The following STAU2 variants were observed in gnomAD, a reference collection of about 807,000 sequenced individuals.
STAU2 encodes staufen double-stranded RNA binding protein 2, also known as double-stranded RNA-binding protein Staufen homolog 2.
Under a neutral mutation model 65.9 loss-of-function variants are expected in STAU2, and 20 were observed. The observed-to-expected ratio is 0.30, with a 90% confidence interval of 0.21 to 0.44. STAU2 has a LOEUF of 0.44. Ranked by LOEUF, STAU2 falls within the 20% of genes least tolerant of loss-of-function variation. STAU2 has a pLI of 1.00. For missense variants in STAU2, 558 were observed against 683.9 expected (o/e 0.82, Z 2.05); for synonymous variants, 232 against 233.9 (o/e 0.99, Z 0.07).
chr8:73,520,482 T>C lies in STAU2; in HGVS notation c.1530+31530A>G, dbSNP rs142963947. ...AATTTAAAATTGCATATGTGACACT[T>C]GATCCCTTATGTAGTAGTCCTTGCG... On this transcript the variant is annotated intron_variant, in intron 13 of 14. Coordinates refer to ENST00000524300, the MANE Select transcript of STAU2 (RefSeq NM_001164380.2). Among the ~76,000 whole-genome samples the C allele has an allele frequency of 2.5e-3, 380 of 152,338 alleles. 1 individual carries two copies. Among genetic ancestry groups the C allele is most frequent in the Non-Finnish European group, 3.8e-3 (259 of 68,026 alleles).
chr8:73,501,391 T>G (rs141820379), intron 13 of STAU2, among the ~76,000 whole-genome samples: 145 of 152,082 alleles, frequency 9.5e-4, no homozygotes, highest in Non-Finnish European at 1.5e-3. Context: ...TATTTTAGAA[T>G]TGTGTATTTA....
chr8:73,454,092 A>T (rs964689577), intron 13 of STAU2, among the ~76,000 whole-genome samples: 2 of 152,254 alleles, frequency 1.3e-5, no homozygotes, highest in Non-Finnish European at 2.9e-5. Flanking sequence ...CTATTTAAAA[A>T]TTAGTTATCC....
At chr8:73,535,029 G>A (rs950950777) in intron 13 of STAU2, among the ~76,000 whole-genome samples, 3 of 152,174 alleles carry the variant, frequency 2.0e-5, no homozygotes, top group Admixed American at 6.5e-5. Flanking sequence ...TGGCAGTAAT[G>A]TATAAAGATT....
chr8:73,496,067 A>C (rs974019244), intron 13 of STAU2, among the ~76,000 whole-genome samples: 10 of 151,628 alleles, frequency 6.6e-5, no homozygotes, highest in African/African-American at 2.4e-4. Flanking sequence ...TTCAAAAATG[A>C]GATGGGTTAA....
chr8:73,450,670 G>C (rs1818755533), intron 13 of STAU2, among the ~76,000 whole-genome samples: 1 of 152,218 alleles, frequency 6.6e-6, no homozygotes, highest in South Asian at 2.1e-4. Flanking sequence ...TCACAAGTTT[G>C]AAAACCTGTA....
intron 3 of STAU2, among the ~76,000 whole-genome samples, chr8:73,735,661 A>T (rs570680140): frequency 3.9e-5 from 6 of 152,338 alleles, no homozygotes; most frequent in African/African-American, 1.4e-4. Context: ...GATAAGGAAT[A>T]CTCAACCTGT....
At chr8:73,576,860 T>G (rs1437349008) in intron 12 of STAU2, among the ~76,000 whole-genome samples, 2 of 152,220 alleles carry the variant, frequency 1.3e-5, no homozygotes, top group Non-Finnish European at 2.9e-5. Context: ...GAAAAGCAAT[T>G]AAGTAGTTCT....
chr8:73,489,202 C>G (rs1454789719), intron 13 of STAU2, among the ~76,000 whole-genome samples: 2 of 151,726 alleles, frequency 1.3e-5, no homozygotes, highest in African/African-American at 4.8e-5. Flanking sequence ...CCATTATTTC[C>G]TTTTCAAGAG....
intron 6 of STAU2, among the ~76,000 whole-genome samples, chr8:73,622,499 T>C (rs1298209749): frequency 1.3e-5 from 2 of 152,078 alleles, no homozygotes; most frequent in Non-Finnish European, 2.9e-5. Flanking sequence ...AAGGTCACCT[T>C]AAGAGGTAAC....
chr8:73,721,985 T>G (rs1400033992), intron 3 of STAU2, among the ~76,000 whole-genome samples: 4 of 152,216 alleles, frequency 2.6e-5, no homozygotes, highest in Admixed American at 6.5e-5. Flanking sequence ...TTTTCTTCTT[T>G]TTGGACTTCT....
At chr8:73,556,720 G>A (rs1404311256) in intron 12 of STAU2, among the ~76,000 whole-genome samples, 1 of 152,170 alleles carries the variant, frequency 6.6e-6, no homozygotes, top group Non-Finnish European at 1.5e-5. Context: ...TCACGCCACT[G>A]CACTACAGCC....
intron 3 of STAU2, chr8:73,727,815 C>G (rs529917434): frequency 1.1e-4 from 16 of 152,330 alleles, no homozygotes; most frequent in African/African-American, 3.8e-4. Flanking sequence ...GAGGCTGAAC[C>G]ATTTAACATT....
chr8:73,671,861 A>G (rs562466766), intron 6 of STAU2, among the ~76,000 whole-genome samples: 101 of 152,078 alleles, frequency 6.6e-4, no homozygotes, highest in African/African-American at 2.2e-3. Flanking sequence ...CCCCATCTCT[A>G]CTAAAATACA....
intron 6 of STAU2, chr8:73,652,993 GTAAT>G (rs1816022281): frequency 6.6e-6 from 1 of 152,032 alleles, no homozygotes; most frequent in Non-Finnish European, 1.5e-5. Flanking sequence ...ATCTTAGGGC[GTAAT>G]TAAAGCCCTG....
At chr8:73,747,456 G>A (rs1186813228), upstream of STAU2, 3 of 1,534,576 alleles carry the variant, frequency 2.0e-6, no homozygotes, top group Non-Finnish European at 1.7e-6. Context: ...GTCTGCTCCG[G>A]CCGCCGCTGT....
chr8:73,462,163 T>A (rs1032351524), intron 13 of STAU2, among the ~76,000 whole-genome samples: 13 of 152,192 alleles, frequency 8.5e-5, no homozygotes, highest in African/African-American at 2.9e-4. Flanking sequence ...CATTGCAACC[T>A]CCACCTCCTG....
chr8:73,431,189 T>C (rs1817259689), intron 13 of STAU2, among the ~76,000 whole-genome samples: 1 of 152,230 alleles, frequency 6.6e-6, no homozygotes, highest in Non-Finnish European at 1.5e-5. Context: ...GAACGCTCCA[T>C]AAGTCTTTGG....
chr8:73,453,731 A>C (rs1426306428), intron 13 of STAU2, among the ~76,000 whole-genome samples: 1 of 152,178 alleles, frequency 6.6e-6, no homozygotes, highest in Non-Finnish European at 1.5e-5. Flanking sequence ...TTTTTGTTTT[A>C]ATTTTTATAC....
intron 13 of STAU2, among the ~76,000 whole-genome samples, chr8:73,545,635 C>CT (rs59727847): frequency 0.17 from 23,223 of 136,846 alleles, 2,537 homozygotes; most frequent in East Asian, 0.45. Context: ...AGTCAGAATT[C>CT]TTTTTTTTTT....
Sources: gnomAD v4.1 joint callset for allele counts (sites outside exome capture counted in the v4.1 genomes callset) on GRCh38, gnomAD v4.1.1 for gene constraint, MANE v1.5 for transcripts, NCBI Gene and HGNC (gene_info 2026-07-23, HGNC 2026-07-21) for gene names.